Variants in AGBL4 observed in about 807,000 individuals in gnomAD.
The protein encoded by AGBL4 is AGBL carboxypeptidase 4, also known as cytosolic carboxypeptidase 6.
In AGBL4, 58 loss-of-function variants were observed where a neutral mutation model predicts 66.4. That is an observed-to-expected ratio of 0.87 (90% confidence interval 0.71 to 1.09). AGBL4 has a LOEUF of 1.09. Among genes scored for constraint, AGBL4 ranks in the 50% least tolerant of loss-of-function variants. The probability of loss-of-function intolerance (pLI) is 0.00; values close to 1 mark genes in which losing one functional copy is unlikely to be tolerated. For missense variants in AGBL4, 579 were observed against 631.0 expected, an observed-to-expected ratio of 0.92 and a Z score of 0.88; for synonymous variants, 234 against 222.9, an observed-to-expected ratio of 1.05 and a Z score of -0.44.
At chr1:49,884,209 A>G (rs1283103106) in intron 1 of AGBL4, among the ~76,000 whole-genome samples, 1 of 151,976 alleles carries the variant, frequency 6.6e-6, no homozygotes, top group African/African-American at 2.4e-5. Context: ...GATTGAATCC[A>G]CCTACTTCAG....
At chr1:49,058,034 A>G (rs149374745) in intron 4 of AGBL4, among the ~76,000 whole-genome samples, 6 of 152,328 alleles carry the variant, frequency 3.9e-5, no homozygotes, top group Middle Eastern at 3.4e-3. Context: ...GGGCTTCTCC[A>G]GGAAGCTGTT....
intron 3 of AGBL4, among the ~76,000 whole-genome samples, chr1:49,304,995 ATTAG>A (rs1252100378): frequency 1.3e-5 from 2 of 152,200 alleles, no homozygotes; most frequent in Non-Finnish European, 2.9e-5. Context: ...CTTTATAGAT[ATTAG>A]TTAATTTAAT....
chr1:48,726,771 A>G (rs960556340), intron 6 of AGBL4, among the ~76,000 whole-genome samples: 1 of 152,240 alleles, frequency 6.6e-6, no homozygotes, highest in African/African-American at 2.4e-5. Context: ...TTTTCTAACC[A>G]ACAATAACAG....
At chr1:49,714,679 T>C (rs919554898) in intron 2 of AGBL4, among the ~76,000 whole-genome samples, 1 of 151,476 alleles carries the variant, frequency 6.6e-6, no homozygotes, top group African/African-American at 2.4e-5. Context: ...CATCCATTCA[T>C]GGACTCTTGG....
At chr1:49,599,707 G>A (rs1644917767) in intron 3 of AGBL4, among the ~76,000 whole-genome samples, 1 of 152,020 alleles carries the variant, frequency 6.6e-6, no homozygotes, top group Non-Finnish European at 1.5e-5. Context: ...GTGATGTTAA[G>A]GTGTTTATTT....
At chr1:49,845,712 T>C (rs1307929110) in intron 2 of AGBL4, 2 of 1,595,948 alleles carry the variant, frequency 1.3e-6, no homozygotes, top group African/African-American at 2.7e-5. Flanking sequence ...CATTCCTGAC[T>C]GAGCATCAGA....
chr1:49,835,593 T>C (rs1645826302), intron 2 of AGBL4, among the ~76,000 whole-genome samples: 1 of 152,242 alleles, frequency 6.6e-6, no homozygotes, highest in Non-Finnish European at 1.5e-5. Flanking sequence ...CATTGCTATG[T>C]GTGAGGTTGA....
intron 2 of AGBL4, among the ~76,000 whole-genome samples, chr1:49,746,868 T>C (rs1296608283): frequency 1.3e-5 from 2 of 152,126 alleles, no homozygotes; most frequent in East Asian, 1.9e-4. Context: ...AAAAGTTGTG[T>C]AATATATTGA....
At chr1:49,698,087 T>C (rs1161260625) in intron 2 of AGBL4, among the ~76,000 whole-genome samples, 1 of 152,166 alleles carries the variant, frequency 6.6e-6, no homozygotes, top group African/African-American at 2.4e-5. Flanking sequence ...TTCCATATTG[T>C]CTCTCCTTTT....
intron 1 of AGBL4, among the ~76,000 whole-genome samples, chr1:49,990,525 TCAAGCCTC>T (rs1293810960): frequency 1.9e-4 from 29 of 152,198 alleles, no homozygotes; most frequent in Non-Finnish European, 8.8e-5. Flanking sequence ...TGTGAGTCAA[TCAAGCCTC>T]TTTCCTTTGT....
intron 4 of AGBL4, among the ~76,000 whole-genome samples, chr1:49,147,763 A>G (rs1646246899): frequency 6.6e-6 from 1 of 152,112 alleles, no homozygotes; most frequent in Non-Finnish European, 1.5e-5. Context: ...TATGAAAAAA[A>G]CATCTAATGG....
chr1:49,176,804 G>GTC (rs1295625568), intron 4 of AGBL4, among the ~76,000 whole-genome samples: 4 of 151,814 alleles, frequency 2.6e-5, no homozygotes, highest in South Asian at 4.2e-4. Flanking sequence ...TTAACTTTCT[G>GTC]TCTCTCTCTC....
At chr1:49,102,020 A>T (rs1645211052) in intron 4 of AGBL4, among the ~76,000 whole-genome samples, 1 of 151,366 alleles carries the variant, frequency 6.6e-6, no homozygotes. Context: ...CAACTGAGAG[A>T]GGGAGAGAGA....
intron 8 of AGBL4, among the ~76,000 whole-genome samples, chr1:48,644,991 A>G (rs1374860825): frequency 6.6e-6 from 1 of 152,220 alleles, no homozygotes; most frequent in African/African-American, 2.4e-5. Flanking sequence ...ATCAATTATT[A>G]AGATCAACTT....
At chr1:49,493,459 A>G (rs1418096770) in intron 3 of AGBL4, among the ~76,000 whole-genome samples, 2 of 152,074 alleles carry the variant, frequency 1.3e-5, no homozygotes, top group East Asian at 3.9e-4. Context: ...ATTCTGCCAG[A>G]AAGTGCCATT....
At chr1:49,553,136 C>T (rs552391140) in intron 3 of AGBL4, among the ~76,000 whole-genome samples, 6 of 152,264 alleles carry the variant, frequency 3.9e-5, no homozygotes, top group East Asian at 1.9e-4. Flanking sequence ...ATCTACATTT[C>T]GCATTTTAAT....
chr1:49,364,076 G>A (rs983974759), intron 3 of AGBL4, among the ~76,000 whole-genome samples: 8 of 152,190 alleles, frequency 5.3e-5, no homozygotes, highest in African/African-American at 1.7e-4. Context: ...AGAAATTACT[G>A]TAGGCAGAGA....
intron 3 of AGBL4, among the ~76,000 whole-genome samples, chr1:49,581,642 G>A (rs2148883993): frequency 6.6e-6 from 1 of 152,250 alleles, no homozygotes; most frequent in East Asian, 1.9e-4. Flanking sequence ...CAGTGTGTTA[G>A]GGCATGGTTA....
intron 6 of AGBL4, among the ~76,000 whole-genome samples, chr1:48,753,085 T>C (rs1315573425): frequency 6.6e-6 from 1 of 152,198 alleles, no homozygotes; most frequent in African/African-American, 2.4e-5. Flanking sequence ...GCTGATACTA[T>C]CATTCACTCT....
Sources: gnomAD v4.1 joint callset for allele counts (sites outside exome capture counted in the v4.1 genomes callset) on GRCh38, gnomAD v4.1.1 for gene constraint, MANE v1.5 for transcripts, NCBI Gene and HGNC (gene_info 2026-07-23, HGNC 2026-07-21) for gene names.